The following PCDH9 variants were observed in gnomAD, a reference collection of about 807,000 sequenced individuals.
The protein encoded by PCDH9 is protocadherin-9.
In PCDH9, 24 loss-of-function variants were observed where a neutral mutation model predicts 70.6. That is an observed-to-expected ratio of 0.34 (90% CI 0.25 to 0.48). The LOEUF (loss-of-function observed/expected upper bound fraction) is 0.48. Among genes scored for constraint, PCDH9 ranks in the 20% least tolerant of loss-of-function variants. The pLI is 0.99. For missense variants in PCDH9, 1,281 were observed against 1,503.6 expected (o/e 0.85, Z 2.45); for synonymous variants, 562 against 558.5 (o/e 1.01, Z -0.09).
intron 3 of PCDH9, among the ~76,000 whole-genome samples, chr13:66,648,262 A>G (rs1235405506): frequency 6.6e-6 from 1 of 152,226 alleles, no homozygotes; most frequent in Non-Finnish European, 1.5e-5. Context: ...ACCCAGTGCT[A>G]TGCTGGCTTC....
In PCDH9 at chr13:66,657,866, T is replaced by C. The variant is rs576736294; in HGVS notation, c.3139-26455A>G. Among the ~76,000 whole-genome samples the C allele has an allele frequency of 9.2e-5, 14 of 152,260 alleles. 1 individual carries two copies. The South Asian group carries it at 2.7e-3, about 29-fold the overall frequency. On this transcript the variant is annotated intron_variant, in intron 3 of 4. Transcript: ENST00000377865. ...GCCTGCACATCAAAGAAATCTACAG[T>C]CCAATCGGCCCTCTGTGTTCCAGGG... is the stretch of plus-strand genomic sequence containing the variant.
rs554209788 is a variant in PCDH9 at position 66,548,002 on chromosome 13, CGTGT to C, written c.3340+83204_3340+83207del. On this transcript the variant is annotated intron_variant, in intron 4 of 4. Coordinates refer to ENST00000377865, the MANE Select transcript of PCDH9 (RefSeq NM_203487.3). ...ATGTATAGAAGCTTTTTGTTGTTTG[CGTGT>C]GTATTTGTATGTATGTATGTATGTA... Among the ~76,000 whole-genome samples, 4 of 148,380 alleles carry C rather than the reference CGTGT, an allele frequency of 2.7e-5. No individual in the cohort carries two copies. The South Asian group carries it at 8.5e-4, about 31-fold the overall frequency.
At chr13:66,791,502 C>T (rs7993609) in intron 3 of PCDH9, among the ~76,000 whole-genome samples, 2,181 of 152,074 alleles carry the variant, frequency 0.014, 60 homozygotes, top group African/African-American at 0.05. Context: ...AAAGTAATTG[C>T]AGTTTTTGCC....
intron 2 of PCDH9, among the ~76,000 whole-genome samples, chr13:67,077,972 A>T (rs1008154608): frequency 6.6e-6 from 1 of 152,174 alleles, no homozygotes; most frequent in Non-Finnish European, 1.5e-5. Context: ...TGAAGTACAC[A>T]TTCCTAATCA....
chr13:66,373,209 ATG>A (rs1956689663), intron 4 of PCDH9, among the ~76,000 whole-genome samples: 1 of 152,032 alleles, frequency 6.6e-6, no homozygotes, highest in Admixed American at 6.6e-5. Flanking sequence ...TAAGGACGTT[ATG>A]CCAGATGAAA....
chr13:66,579,200 G>A (rs921851747), intron 4 of PCDH9, among the ~76,000 whole-genome samples: 5 of 151,978 alleles, frequency 3.3e-5, no homozygotes, highest in African/African-American at 1.2e-4. Context: ...TCCTAAAATT[G>A]ATGTTCCTAT....
At position 67,197,527 on chromosome 13, in the gene PCDH9, G is replaced by A. The variant is rs547599494; in HGVS notation, c.3036+27878C>T. Among the ~76,000 whole-genome samples the A allele has an allele frequency of 5.3e-5, 8 of 151,976 alleles. No individual in the cohort carries two copies. The South Asian group carries it at 6.2e-4, about 12-fold the overall frequency. On this transcript the variant is annotated intron_variant, in intron 2 of 4. Coordinates refer to ENST00000377865, the MANE Select transcript of PCDH9 (RefSeq NM_203487.3). ...GTTGTTACTCAGGGCCACAGGCTCC[G>A]GGAAGATTTTATAGATGGGCTCCAT...
Position 67,225,829 on chromosome 13 carries a change from C to T in PCDH9, c.2612G>A (p.Arg871Lys), listed in dbSNP as rs746510170. 3.1e-6 allele frequency: 5 copies of T among 1,613,982 alleles called. No individual in the cohort carries two copies. The highest frequency in any genetic ancestry group is 4.2e-6 in the Non-Finnish European group (5 of 1,180,016). ...GCTTTTGGGAGACTTCCTTTTCTTT[C>T]TTTTCTTTTTCTTGTTTTGCTTGTT... ...QENKQNKKKK[R>K]KKRKSPKSSL... The change falls in exon 2 of 5, where the codon AGA becomes AAA. Residue 871 changes from arginine (R) to lysine (K), a missense_variant. Arg to Lys is a conservative substitution (Grantham distance 26). This residue lies in a region of PCDH9 where 207 missense variants were observed against 191.8 expected (regional missense o/e 1.08). Transcript: ENST00000377865.
chr13:66,686,257 G>T (rs1256297741), intron 3 of PCDH9, among the ~76,000 whole-genome samples: 1 of 152,122 alleles, frequency 6.6e-6, no homozygotes, highest in Non-Finnish European at 1.5e-5. Context: ...GATCTCACAA[G>T]AAAACCATTT....
intron 3 of PCDH9, among the ~76,000 whole-genome samples, chr13:66,850,284 T>C (rs2010695): frequency 0.57 from 86,389 of 151,908 alleles, 26,256 homozygotes; most frequent in South Asian, 0.68. Context: ...TTTGGGAGAC[T>C]GAGGCAGGCG....
At chr13:67,035,015 T>C (rs1347826174) in intron 2 of PCDH9, among the ~76,000 whole-genome samples, 4 of 152,114 alleles carry the variant, frequency 2.6e-5, no homozygotes, top group Admixed American at 1.3e-4. Context: ...TACATGTATA[T>C]ACATGTGCAT....
At chr13:66,712,246 T>A (rs1441469570) in intron 3 of PCDH9, among the ~76,000 whole-genome samples, 1 of 152,160 alleles carries the variant, frequency 6.6e-6, no homozygotes, top group African/African-American at 2.4e-5. Flanking sequence ...ATAGTTAAAT[T>A]TATATGATGT....
chr13:66,731,721 A>T (rs2079082116), intron 3 of PCDH9, among the ~76,000 whole-genome samples: 1 of 152,106 alleles, frequency 6.6e-6, no homozygotes, highest in Non-Finnish European at 1.5e-5. Context: ...AATAAAGGAG[A>T]TATATTATAA....
At chr13:67,052,733 A>C (rs2085345794) in intron 2 of PCDH9, among the ~76,000 whole-genome samples, 1 of 152,128 alleles carries the variant, frequency 6.6e-6, no homozygotes, top group African/African-American at 2.4e-5. Flanking sequence ...TAAGTATATA[A>C]ATTCATGAGA....
chr13:66,442,880 C>T (rs962209751), intron 4 of PCDH9, among the ~76,000 whole-genome samples: 3 of 152,140 alleles, frequency 2.0e-5, no homozygotes, highest in South Asian at 2.1e-4. Flanking sequence ...ACCTAATTTA[C>T]CTTCATGATT....
At chr13:66,847,472 TTAA>T (rs1164475477) in intron 3 of PCDH9, among the ~76,000 whole-genome samples, 5 of 152,150 alleles carry the variant, frequency 3.3e-5, no homozygotes, top group Non-Finnish European at 5.9e-5. Context: ...CAGTAAGAGA[TTAA>T]TGACAATAAC....
At chr13:66,890,749 G>GT (rs36075862) in intron 3 of PCDH9, among the ~76,000 whole-genome samples, 3,481 of 152,066 alleles carry the variant, frequency 0.023, 127 homozygotes, top group African/African-American at 0.079. Context: ...TTTTCCACTA[G>GT]TTTAAGAGCT....
chr13:66,531,321 A>C (rs1310037403), intron 4 of PCDH9, among the ~76,000 whole-genome samples: 1 of 152,074 alleles, frequency 6.6e-6, no homozygotes, highest in Non-Finnish European at 1.5e-5. Context: ...CGAGTACAAG[A>C]AAACAACAGT....
At chr13:66,686,789 TC>T (rs1429273437) in intron 3 of PCDH9, among the ~76,000 whole-genome samples, 1 of 152,144 alleles carries the variant, frequency 6.6e-6, no homozygotes, top group Non-Finnish European at 1.5e-5. Flanking sequence ...AAACCACCAT[TC>T]TTTCTTTCAA....
Sources: gnomAD v4.1 joint callset for allele counts (sites outside exome capture counted in the v4.1 genomes callset) on GRCh38, gnomAD v4.1.1 for gene constraint, gnomAD v4.1.1 regional missense constraint, MANE v1.5 for transcripts, NCBI Gene and HGNC (gene_info 2026-07-23, HGNC 2026-07-21) for gene names.